Variants in GPATCH2L observed in about 807,000 individuals in gnomAD.
GPATCH2L encodes G-patch domain containing 2 like, also known as G patch domain-containing protein 2-like.
A neutral mutation model predicts 57.4 loss-of-function variants in GPATCH2L; 31 were observed. The observed-to-expected ratio is 0.54, with a 90% CI of 0.41 to 0.73. GPATCH2L has a LOEUF of 0.73. GPATCH2L is among the 30% of genes least tolerant of loss of function. The probability of loss-of-function intolerance (pLI) is 0.00; values close to 1 mark genes in which losing one functional copy is unlikely to be tolerated. For synonymous variants in GPATCH2L, 199 were observed against 210.7 expected (o/e 0.94, Z 0.48); for missense variants, 481 against 599.9 (o/e 0.80, Z 2.07).
chr14:76,166,233 C>T (rs553842455), intron 2 of GPATCH2L, among the ~76,000 whole-genome samples: 131 of 151,980 alleles, frequency 8.6e-4, no homozygotes, highest in Non-Finnish European at 1.4e-3. Context: ...TTGTTTACTT[C>T]TTTGTAGATG....
intron 8 of GPATCH2L, among the ~76,000 whole-genome samples, chr14:76,192,432 A>G (rs1158919321): frequency 6.6e-6 from 1 of 152,068 alleles, no homozygotes; most frequent in Non-Finnish European, 1.5e-5. Flanking sequence ...ATGTTATTCT[A>G]CCTCCTATGA....
intron 2 of GPATCH2L, among the ~76,000 whole-genome samples, chr14:76,163,558 G>T (rs752761295): frequency 6.6e-6 from 1 of 152,300 alleles, no homozygotes; most frequent in Non-Finnish European, 1.5e-5. Flanking sequence ...TTAGAGTGCT[G>T]TTCTAATGAG....
At chr14:76,194,396 G>A (rs1429745261) in intron 8 of GPATCH2L, among the ~76,000 whole-genome samples, 2 of 152,042 alleles carry the variant, frequency 1.3e-5, no homozygotes, top group African/African-American at 2.4e-5. Context: ...CATTCCTAAA[G>A]AATTTCTTAG....
chr14:76,218,712 T>C (rs1430352298), downstream of GPATCH2L, among the ~76,000 whole-genome samples: 1 of 151,148 alleles, frequency 6.6e-6, no homozygotes, highest in Non-Finnish European at 1.5e-5. Context: ...GATATTAAAA[T>C]TTATACATCT....
In GPATCH2L at chr14:76,204,154, C is replaced by G. The variant is rs926991157; in HGVS notation, c.*2303C>G. On this transcript the variant is annotated 3_prime_UTR_variant, in exon 10 of 10. Coordinates refer to ENST00000261530, the MANE Select transcript of GPATCH2L (RefSeq NM_017926.4). ...AGCCAGGACTAGAATCCCAGACTTT[C>G]AGATTTTCTCTGCCCTGGGTTATAA... is the stretch of plus-strand genomic sequence containing the variant. 11 of 152,162 alleles carry G rather than the reference C, an allele frequency of 7.2e-5. No individual in the cohort carries two copies. The highest frequency in any genetic ancestry group is 2.4e-4 in the African/African-American group (10 of 41,440). 9.4% of individuals were successfully genotyped at this position (152,162 alleles called of 1,614,324 possible).
intron 3 of GPATCH2L, among the ~76,000 whole-genome samples, chr14:76,170,383 C>T (rs1385755432): frequency 1.3e-5 from 2 of 152,118 alleles, no homozygotes; most frequent in African/African-American, 4.8e-5. Flanking sequence ...ATACAATTAT[C>T]TATTCTTTGT....
In GPATCH2L at chr14:76,200,286, C is replaced by T. The variant is rs554936547; in HGVS notation, c.1289-1405C>T. On this transcript the variant is annotated intron_variant, in intron 9 of 9. Coordinates refer to ENST00000261530, the MANE Select transcript of GPATCH2L (RefSeq NM_017926.4). ...TACAACAGTGTGAATGTACTTAATG[C>T]GACTGAACTGTACAGTTAAAAATGG... Among the ~76,000 whole-genome samples, 31 of 152,118 alleles carry T rather than the reference C, an allele frequency of 2.0e-4. 1 individual carries two copies. In the South Asian group the frequency reaches 3.9e-3, roughly 19 times the overall value.
At chr14:76,170,376 C>A (rs374168591) in intron 3 of GPATCH2L, among the ~76,000 whole-genome samples, 1 of 152,098 alleles carries the variant, frequency 6.6e-6, no homozygotes, top group East Asian at 1.9e-4. Flanking sequence ...GGCAGACATA[C>A]AATTATCTAT....
intron 8 of GPATCH2L, among the ~76,000 whole-genome samples, chr14:76,185,599 A>T (rs1452450955): frequency 6.6e-6 from 1 of 152,138 alleles, no homozygotes; most frequent in Non-Finnish European, 1.5e-5. Context: ...GGAAAGGTCA[A>T]CTTTTAGTGA....
Position 76,192,318 on chromosome 14 carries a change from T to A in GPATCH2L, c.1194-3560T>A, listed in dbSNP as rs144823927. On this transcript the variant is annotated intron_variant, in intron 8 of 9. Coordinates refer to ENST00000261530, the MANE Select transcript of GPATCH2L (RefSeq NM_017926.4). The stretch of plus-strand genomic sequence containing the variant: ...CCAAGGAAGAAGCAAAATGTCTTAC[T>A]GTCCTGTTATAACAGTTTGATCATT... Among the ~76,000 whole-genome samples, 3 of 152,226 alleles carry A rather than the reference T, an allele frequency of 2.0e-5. No individual in the cohort carries two copies. In the East Asian group the frequency reaches 5.8e-4, roughly 29 times the overall value.
intron 2 of GPATCH2L, among the ~76,000 whole-genome samples, chr14:76,230,945 A>G (rs987671186): frequency 6.6e-6 from 1 of 152,192 alleles, no homozygotes; most frequent in Non-Finnish European, 1.5e-5. Flanking sequence ...TCTGATAATC[A>G]TTACTGATCC....
intron 8 of GPATCH2L, among the ~76,000 whole-genome samples, chr14:76,191,909 T>G (rs1239395446): frequency 6.6e-6 from 1 of 152,080 alleles, no homozygotes; most frequent in Non-Finnish European, 1.5e-5. Context: ...TAAGTTTATA[T>G]CTTTTAACAA....
intron 2 of GPATCH2L, among the ~76,000 whole-genome samples, chr14:76,158,455 TTTAA>T (rs1056367995): frequency 2.6e-5 from 4 of 152,226 alleles, no homozygotes; most frequent in African/African-American, 9.6e-5. Context: ...CCCCAAACTC[TTTAA>T]TTATGAGTGT....
chr14:76,157,571 T>C (rs2038365333), intron 2 of GPATCH2L, among the ~76,000 whole-genome samples: 1 of 152,238 alleles, frequency 6.6e-6, no homozygotes, highest in South Asian at 2.1e-4. Context: ...GAATTTTACT[T>C]TTTAGCAGTG....
At chr14:76,160,269 G>C (rs2038518657) in intron 2 of GPATCH2L, among the ~76,000 whole-genome samples, 1 of 152,216 alleles carries the variant, frequency 6.6e-6, no homozygotes, top group South Asian at 2.1e-4. Flanking sequence ...GAACTGCAAG[G>C]TGACTGTAGA....
intron 6 of GPATCH2L, 86 bp from the exon 7 acceptor site, chr14:76,177,902 C>T: frequency 1.3e-6 from 2 of 1,593,706 alleles, no homozygotes; most frequent in Non-Finnish European, 1.7e-6. Context: ...TTTCTGGTTA[C>T]CATCAGCTGG....
chr14:76,152,597 CG>C (rs2038103647), intron 1 of GPATCH2L: 5 of 450,724 alleles, frequency 1.1e-5, no homozygotes, highest in South Asian at 7.8e-5. Context: ...GCCTGGCCGC[CG>C]GGTCCTCTCG....
At chr14:76,193,916 G>C (rs547426194) in intron 8 of GPATCH2L, among the ~76,000 whole-genome samples, 65 of 152,308 alleles carry the variant, frequency 4.3e-4, no homozygotes, top group Non-Finnish European at 8.4e-4. Flanking sequence ...TAAGATCAGA[G>C]TGCTTGGATA....
At chr14:76,235,095 G>A (rs2040591497) in intron 2 of GPATCH2L, among the ~76,000 whole-genome samples, 1 of 151,176 alleles carries the variant, frequency 6.6e-6, no homozygotes, top group African/African-American at 2.4e-5. Context: ...TTGAACCCAG[G>A]AGGCGGAGGT....
Sources: allele counts gnomAD v4.1 joint callset (sites outside exome capture counted in the v4.1 genomes callset), GRCh38; gene constraint gnomAD v4.1.1; transcripts MANE v1.5; gene names NCBI Gene and HGNC (gene_info 2026-07-23, HGNC 2026-07-21).